Variants in PRKD1 observed in about 807,000 individuals in gnomAD.
PRKD1 encodes the protein serine/threonine-protein kinase D1.
In PRKD1, 63 loss-of-function variants were observed where a neutral mutation model predicts 95.9. The observed-to-expected ratio is 0.66, with a 90% CI of 0.54 to 0.81. PRKD1 has a LOEUF of 0.81. Among genes scored for constraint, PRKD1 ranks in the 30% least tolerant of loss-of-function variants. The pLI is 0.00. For missense variants in PRKD1, 1,048 were observed against 1,165.3 expected (o/e 0.90, Z 1.47); for synonymous variants, 425 against 423.1 (o/e 1.00, Z -0.05).
chr14:29,749,634 C>T (rs757795664), intron 1 of PRKD1, among the ~76,000 whole-genome samples: 4 of 152,090 alleles, frequency 2.6e-5, no homozygotes, highest in Non-Finnish European at 5.9e-5. Flanking sequence ...CTTCCTTATC[C>T]ATGTGTATAT....
intron 2 of PRKD1, among the ~76,000 whole-genome samples, chr14:29,713,802 T>C (rs1885454949): frequency 6.6e-6 from 1 of 152,186 alleles, no homozygotes; most frequent in African/African-American, 2.4e-5. Flanking sequence ...ATGTGCTATA[T>C]ACTTTACATC....
chr14:29,846,851 C>T (rs550352574), intron 1 of PRKD1, among the ~76,000 whole-genome samples: 1 of 152,260 alleles, frequency 6.6e-6, no homozygotes, highest in Non-Finnish European at 1.5e-5. Context: ...AAAGCACTTG[C>T]TGATGAACTG....
chr14:29,826,846 T>TATATATATACACACACACAC (rs1891208770), intron 1 of PRKD1, among the ~76,000 whole-genome samples: 2 of 51,758 alleles, frequency 3.9e-5, no homozygotes, highest in Admixed American at 2.1e-4. Flanking sequence ...TATACACACA[T>TATATATATACACACACACAC]ATATATATAT....
At chr14:29,676,518 C>T (rs1166468296) in intron 2 of PRKD1, among the ~76,000 whole-genome samples, 1 of 152,072 alleles carries the variant, frequency 6.6e-6, no homozygotes. Flanking sequence ...CCAAGCCCAG[C>T]TAATTTTTGT....
chr14:29,669,163 T>C (rs1882698090), intron 2 of PRKD1, among the ~76,000 whole-genome samples: 1 of 152,202 alleles, frequency 6.6e-6, no homozygotes, highest in Non-Finnish European at 1.5e-5. Flanking sequence ...TAAGAAGCCA[T>C]GAAATAAAGT....
chr14:29,802,268 A>G (rs1326688215), intron 1 of PRKD1, among the ~76,000 whole-genome samples: 1 of 152,250 alleles, frequency 6.6e-6, no homozygotes, highest in Non-Finnish European at 1.5e-5. Context: ...CTGATAGTAA[A>G]TAAGGCCAGT....
intron 1 of PRKD1, among the ~76,000 whole-genome samples, chr14:29,871,437 G>T (rs1893102323): frequency 1.3e-5 from 2 of 152,164 alleles, no homozygotes; most frequent in African/African-American, 4.8e-5. Context: ...AAAATGAGAG[G>T]CAGGAGAGTG....
At chr14:29,806,348 A>G (rs1408315534) in intron 1 of PRKD1, among the ~76,000 whole-genome samples, 1 of 152,220 alleles carries the variant, frequency 6.6e-6, no homozygotes, top group Non-Finnish European at 1.5e-5. Context: ...GAGATTGGGC[A>G]ATAGGCTTGG....
At chr14:29,901,509 A>G (rs1299128858) in intron 1 of PRKD1, among the ~76,000 whole-genome samples, 1 of 152,224 alleles carries the variant, frequency 6.6e-6, no homozygotes, top group Non-Finnish European at 1.5e-5. Flanking sequence ...ATAGTAATCA[A>G]TAGTACAACA....
chr14:29,639,551 A>G (rs1008269001), intron 4 of PRKD1, among the ~76,000 whole-genome samples: 6 of 152,084 alleles, frequency 3.9e-5, no homozygotes, highest in African/African-American at 1.2e-4. Context: ...CCTGGGAGAC[A>G]GAGGTTGTGG....
At chr14:29,816,657 C>A (rs1343290364) in intron 1 of PRKD1, among the ~76,000 whole-genome samples, 1 of 152,142 alleles carries the variant, frequency 6.6e-6, no homozygotes, top group Non-Finnish European at 1.5e-5. Flanking sequence ...TGACAAATCA[C>A]CAGAAGTTCA....
rs182880178 is a variant in PRKD1 at position 29,810,963 on chromosome 14, A to G, written c.265-85289T>C. Among the ~76,000 whole-genome samples the G allele has an allele frequency of 1.7e-4, 26 of 152,358 alleles. No individual in the cohort carries two copies. In the East Asian group the frequency reaches 5.0e-3, roughly 29 times the overall value. ...TGGGTTTTGTGCTGCTCTAGTCTCC[A>G]CACAGTCTCACTGAATATCTTCTTA... On this transcript the variant is annotated intron_variant, in intron 1 of 17. Transcript: ENST00000331968.
intron 13 of PRKD1, among the ~76,000 whole-genome samples, chr14:29,613,051 T>C (rs570424532): frequency 6.6e-6 from 1 of 151,710 alleles, no homozygotes; most frequent in Non-Finnish European, 1.5e-5. Context: ...TGAGCCAAGA[T>C]CATGCCACTG....
At chr14:29,903,844 C>T (rs1894405175) in intron 1 of PRKD1, among the ~76,000 whole-genome samples, 1 of 152,062 alleles carries the variant, frequency 6.6e-6, no homozygotes, top group South Asian at 2.1e-4. Context: ...TACAGTCTAG[C>T]TTTAATATGC....
chr14:29,796,905 G>T (rs944121798), intron 1 of PRKD1, among the ~76,000 whole-genome samples: 2 of 152,176 alleles, frequency 1.3e-5, no homozygotes, highest in Admixed American at 1.3e-4. Context: ...GGCAAGGGAG[G>T]TTAACAGGTG....
intron 1 of PRKD1, among the ~76,000 whole-genome samples, chr14:29,845,954 T>C (rs1892062232): frequency 6.6e-6 from 1 of 152,162 alleles, no homozygotes. Context: ...CTCAGGAGTT[T>C]ATCTTACCAT....
At chr14:29,717,644 C>T (rs1885686201) in intron 2 of PRKD1, among the ~76,000 whole-genome samples, 1 of 152,120 alleles carries the variant, frequency 6.6e-6, no homozygotes, top group Non-Finnish European at 1.5e-5. Flanking sequence ...ATGTTACCAT[C>T]ACTATTGTTA....
At chr14:29,878,729 G>A (rs1041377459) in intron 1 of PRKD1, among the ~76,000 whole-genome samples, 1 of 152,126 alleles carries the variant, frequency 6.6e-6, no homozygotes, top group Non-Finnish European at 1.5e-5. Flanking sequence ...CAGAAAGAAG[G>A]TTAGAGGTTG....
At chr14:29,772,324 A>G (rs913245733) in intron 1 of PRKD1, among the ~76,000 whole-genome samples, 2 of 152,142 alleles carry the variant, frequency 1.3e-5, no homozygotes, top group African/African-American at 4.8e-5. Context: ...TGAGCCCTCA[A>G]GAAGGCCTGT....
Sources: gnomAD v4.1 joint callset for allele counts (sites outside exome capture counted in the v4.1 genomes callset) on GRCh38, gnomAD v4.1.1 for gene constraint, MANE v1.5 for transcripts, NCBI Gene and HGNC (gene_info 2026-07-23, HGNC 2026-07-21) for gene names.